The following AMMECR1L variants were observed in gnomAD, a reference collection of about 807,000 sequenced individuals.
AMMECR1L encodes AMMECR1 like.
A neutral mutation model predicts 36.8 loss-of-function variants in AMMECR1L; 4 were observed. The ratio of observed to expected loss-of-function variants is 0.11; its 90% confidence interval spans 0.05 to 0.25. AMMECR1L has a LOEUF of 0.25. AMMECR1L is among the 10% of genes least tolerant of loss of function. The pLI, the probability that AMMECR1L is intolerant of heterozygous loss-of-function variation, is 1.00. For missense variants in AMMECR1L, 232 were observed against 392.1 expected (o/e 0.59, Z 3.45); for synonymous variants, 147 against 148.0 (o/e 0.99, Z 0.05).
chr2:127,877,407 C>A (rs1691297648), intron 2 of AMMECR1L, among the ~76,000 whole-genome samples: 1 of 151,192 alleles, frequency 6.6e-6, no homozygotes, highest in South Asian at 2.1e-4. Context: ...ATGCTCTTGG[C>A]TCACTGCAAC....
chr2:127,868,354 CAG>C (rs1398307052), intron 6 of AMMECR1L, among the ~76,000 whole-genome samples: 5 of 152,162 alleles, frequency 3.3e-5, no homozygotes, highest in African/African-American at 4.8e-5. Context: ...CCTCCTTGTA[CAG>C]AGTGTGTTAG....
rs1217423797 is a variant in AMMECR1L at position 127,862,517 on chromosome 2, A to T, written c.*2577T>A. 1.3e-5 allele frequency: 2 copies of T among 153,604 alleles called. No individual in the cohort carries two copies. Among genetic ancestry groups the T allele is most frequent in the Non-Finnish European group, 2.9e-5 (2 of 68,108 alleles). 9.5% of individuals were successfully genotyped at this position (153,604 alleles called of 1,614,324 possible). A position where few individuals can be genotyped will look rare whatever the true frequency, so the allele number is the denominator to read the frequency against. On this transcript the variant is annotated 3_prime_UTR_variant, in exon 8 of 8. Coordinates refer to ENST00000272647, the MANE Select transcript of AMMECR1L (RefSeq NM_001199140.2). ...GAGCCACCTGCTACACACTTTCATG[A>T]GGCGACCGTGACCGTACACTTCTAG...
Position 127,874,245 on chromosome 2 carries a change from T to G in AMMECR1L, c.-11A>C. 1.2e-6 allele frequency: 2 copies of G among 1,613,562 alleles called. No individual in the cohort carries two copies. Among genetic ancestry groups the G allele is most frequent in the Non-Finnish European group, 1.7e-6 (2 of 1,179,916 alleles). On this transcript the variant is annotated 5_prime_UTR_variant, in exon 3 of 8. Transcript: ENST00000272647. The surrounding 1 kb of genome is among the most constrained non-coding windows in gnomAD (Gnocchi z 5.2). ...ACGTCTTTTTCCCATCCTGATTCAGTGCTCAAGGTCTGGAATGCTGCAGAA... is the reference window on the plus strand; with the variant it reads ...ACGTCTTTTTCCCATCCTGATTCAGGGCTCAAGGTCTGGAATGCTGCAGAA...
intron 6 of AMMECR1L, among the ~76,000 whole-genome samples, chr2:127,868,420 C>CT (rs1256677523): frequency 1.3e-5 from 2 of 152,188 alleles, no homozygotes; most frequent in African/African-American, 4.8e-5. Flanking sequence ...CACATATACA[C>CT]TGCTCTTGAA....
Position 127,873,954 on chromosome 2 carries a change from C to A in AMMECR1L, c.281G>T (p.Gly94Val). The A allele has an allele frequency of 6.2e-7, 1 of 1,614,198 alleles. No individual in the cohort carries two copies. The highest frequency in any genetic ancestry group is 8.5e-7 in the Non-Finnish European group (1 of 1,180,050). ...GALSPLPRPN[G>V]TANTTKNLVV... ...CAGATTCTTAGTGGTGTTGGCAGTT[C>A]CATTAGGCCGGGGAAGAGGGCTCAG... Residue 94 changes from glycine to valine, a missense_variant, in exon 3 of 8, where the codon GGA (glycine) becomes GTA (valine). Gly to Val is a moderately radical substitution (Grantham distance 109). Around this residue, in one of 3 missense-constraint regions of AMMECR1L, gnomAD observed 109 missense variants for 128.1 expected, o/e 0.85. Transcript: ENST00000272647. The surrounding 1 kb of genome is among the most constrained non-coding windows in gnomAD (Gnocchi z 5.2).
rs1691089970 is a variant in AMMECR1L at position 127,873,571 on chromosome 2, A to C, written c.407+257T>G. 2.0e-6 allele frequency: 2 copies of C among 985,372 alleles called. No individual in the cohort carries two copies. Among genetic ancestry groups the C allele is most frequent in the Admixed American group, 1.2e-4 (2 of 16,266 alleles). The allele number at this position is 985,372 out of a possible 1,614,324, so 61.0% of individuals were successfully genotyped here. A position where few individuals can be genotyped will look rare whatever the true frequency, so the allele number is the denominator to read the frequency against. ...GCCATGTGAACCAACAGAAGAGCCAAGAATGAACTCACTTGATTTCCAGAA... is the reference window on the plus strand; with the variant it reads ...GCCATGTGAACCAACAGAAGAGCCACGAATGAACTCACTTGATTTCCAGAA... On this transcript the variant is annotated intron_variant, in intron 3 of 7. Coordinates refer to ENST00000272647, the MANE Select transcript of AMMECR1L (RefSeq NM_001199140.2). The surrounding 1 kb of genome is among the most constrained non-coding windows in gnomAD (Gnocchi z 5.2).
chr2:127,872,925 C>G (rs1489222342), intron 3 of AMMECR1L: 3 of 922,588 alleles, frequency 3.3e-6, no homozygotes, highest in Non-Finnish European at 2.6e-6. Context: ...GGTTTCCTCT[C>G]CTCTGACACA....
rs1427678850 is a variant in AMMECR1L at position 127,871,981 on chromosome 2, G to C, written c.408-622C>G. ...AGGTGGGCGGATCACTTGAGGTAAG[G>C]AGTTCTAGACCAGCCTGGTCATCAT... On this transcript the variant is annotated intron_variant, in intron 3 of 7. Coordinates refer to ENST00000272647, the MANE Select transcript of AMMECR1L (RefSeq NM_001199140.2). This position sits in a 1 kb window ranked among gnomAD's most constrained non-coding sequence, Gnocchi z 4.3. 6.6e-6 allele frequency among the ~76,000 whole-genome samples: 1 copy of C among 152,116 alleles called. No homozygotes were observed. Among genetic ancestry groups the C allele is most frequent in the Admixed American group, 6.5e-5 (1 of 15,268 alleles).
At position 127,869,574 on chromosome 2, in the gene AMMECR1L, G is replaced by T. The variant is rs1207895214; in HGVS notation, c.634-30C>A. On this transcript the variant is annotated intron_variant, in intron 5 of 7. Transcript: ENST00000272647. This position sits in a 1 kb window ranked among gnomAD's most constrained non-coding sequence, Gnocchi z 4.7. ...AGAAAAAAGTACAACCAAGTAAATG[G>T]CATTTACTTACTCTAATGGAACTTC... is the stretch of plus-strand genomic sequence containing the variant. 8.5e-6 allele frequency: 13 copies of T among 1,530,486 alleles called. No homozygotes were observed. Among genetic ancestry groups the T allele is most frequent in the African/African-American group, 1.4e-5 (1 of 73,308 alleles). 94.8% of individuals were successfully genotyped at this position (1,530,486 alleles called of 1,614,324 possible).
In AMMECR1L at chr2:127,873,800, C is replaced by G. The variant is rs1427605319; in HGVS notation, c.407+28G>C. 1.2e-6 allele frequency: 2 copies of G among 1,612,978 alleles called. No individual in the cohort carries two copies. Among genetic ancestry groups the G allele is most frequent in the Admixed American group, 1.7e-5 (1 of 59,986 alleles). On this transcript the variant is annotated intron_variant, in intron 3 of 7. Coordinates refer to ENST00000272647, the MANE Select transcript of AMMECR1L (RefSeq NM_001199140.2). This position sits in a 1 kb window ranked among gnomAD's most constrained non-coding sequence, Gnocchi z 5.2. ...CAGAAAGATGTCACCATGCCTTCCT[C>G]AGTGCCCCCAGCACATGATTTACTC... is the stretch of plus-strand genomic sequence containing the variant.
chr2:127,884,823 T>C (rs1392057323), intron 1 of AMMECR1L: 1 of 152,214 alleles, frequency 6.6e-6, no homozygotes, highest in East Asian at 1.9e-4. Context: ...CATCCATCCT[T>C]AGTCTCGAAG....
chr2:127,871,174 AG>A lies in AMMECR1L; in HGVS notation c.518+74del. On this transcript the variant is annotated intron_variant, in intron 4 of 7. Coordinates refer to ENST00000272647, the MANE Select transcript of AMMECR1L (RefSeq NM_001199140.2). The surrounding 1 kb of genome is among the most constrained non-coding windows in gnomAD (Gnocchi z 4.3). Reference sequence around the variant, plus strand: ...AGAGAAAGCTCAACGTACATCACTTAGAAGAAATAAAGTCAGGCAGCTATTT... The same window carrying A: ...AGAGAAAGCTCAACGTACATCACTTAAAGAAATAAAGTCAGGCAGCTATTT... 6.7e-7 allele frequency: 1 copy of A among 1,489,950 alleles called. No individual in the cohort carries two copies. Among genetic ancestry groups the A allele is most frequent in the South Asian group, 1.2e-5 (1 of 86,776 alleles). The allele number at this position is 1,489,950 out of a possible 1,614,324, so 92.3% of individuals were successfully genotyped here. A position where few individuals can be genotyped will look rare whatever the true frequency, so the allele number is the denominator to read the frequency against.
Position 127,869,317 on chromosome 2 carries a change from G to C in AMMECR1L, c.724+137C>G. On this transcript the variant is annotated intron_variant, in intron 6 of 7. Coordinates refer to ENST00000272647, the MANE Select transcript of AMMECR1L (RefSeq NM_001199140.2). The surrounding 1 kb of genome is among the most constrained non-coding windows in gnomAD (Gnocchi z 4.7). The stretch of plus-strand genomic sequence containing the variant: ...TTTACCCTTGGTTCTATAGGAATTT[G>C]ACAGGTATTAAGAGGCAGAAAGGCC... 1.3e-6 allele frequency: 1 copy of C among 763,968 alleles called. No individual in the cohort carries two copies. Among genetic ancestry groups the C allele is most frequent in the South Asian group, 1.8e-5 (1 of 55,196 alleles). 47.3% of individuals were successfully genotyped at this position (763,968 alleles called of 1,614,324 possible).
At chr2:127,878,863 A>G (rs1315453864) in intron 2 of AMMECR1L, among the ~76,000 whole-genome samples, 1 of 152,188 alleles carries the variant, frequency 6.6e-6, no homozygotes, top group Non-Finnish European at 1.5e-5. Context: ...AGAGTTAGAT[A>G]TTTTCTGCAT....
At chr2:127,867,688 GT>G (rs1212148085) in intron 6 of AMMECR1L, among the ~76,000 whole-genome samples, 20 of 152,166 alleles carry the variant, frequency 1.3e-4, no homozygotes, top group African/African-American at 4.6e-4. Flanking sequence ...CAAGACTGCA[GT>G]GAGCCAGGAT....
At chr2:127,883,474 G>A (rs1691613257) in intron 2 of AMMECR1L, among the ~76,000 whole-genome samples, 1 of 152,018 alleles carries the variant, frequency 6.6e-6, no homozygotes, top group Non-Finnish European at 1.5e-5. Flanking sequence ...CCTCCCCTCT[G>A]TTTTCTATGT....
chr2:127,864,958 AC>A lies in AMMECR1L; in HGVS notation c.*135del. 1 of 646,252 alleles carries A rather than the reference AC, an allele frequency of 1.5e-6. No individual in the cohort carries two copies. Among genetic ancestry groups the A allele is most frequent in the Non-Finnish European group, 2.7e-6 (1 of 371,794 alleles). 40.0% of individuals were successfully genotyped at this position (646,252 alleles called of 1,614,324 possible). ...CCCTCCCTCAGTCAGCGGGAGGCAGACTTGGCAACGGAAGCTAGCATCATAA... is the reference window on the plus strand; with the variant it reads ...CCCTCCCTCAGTCAGCGGGAGGCAGATTGGCAACGGAAGCTAGCATCATAA... On this transcript the variant is annotated 3_prime_UTR_variant, in exon 8 of 8. Coordinates refer to ENST00000272647, the MANE Select transcript of AMMECR1L (RefSeq NM_001199140.2).
At chr2:127,875,055 C>A (rs1691162609) in intron 2 of AMMECR1L, among the ~76,000 whole-genome samples, 1 of 152,226 alleles carries the variant, frequency 6.6e-6, no homozygotes. Context: ...TCATAGCCAG[C>A]CAGACAGATA....
At chr2:127,883,438 G>A (rs1691611145) in intron 2 of AMMECR1L, among the ~76,000 whole-genome samples, 1 of 152,082 alleles carries the variant, frequency 6.6e-6, no homozygotes, top group Admixed American at 6.6e-5. Flanking sequence ...AGAAAAACAT[G>A]TACCTAGGAG....
Sources: gnomAD v4.1 joint callset for allele counts (sites outside exome capture counted in the v4.1 genomes callset) on GRCh38, gnomAD v4.1.1 for gene constraint, gnomAD v4.1.1 regional missense constraint, Gnocchi (gnomAD v3.1) non-coding constraint, MANE v1.5 for transcripts, NCBI Gene and HGNC (gene_info 2026-07-23, HGNC 2026-07-21) for gene names.